Variants in CACNA1A observed in about 807,000 individuals in gnomAD.
CACNA1A encodes the protein calcium voltage-gated channel subunit alpha1 A.
CACNA1A carries 57 observed loss-of-function variants against 262.4 expected under a neutral mutation model. The observed-to-expected ratio is 0.22, with a 90% CI of 0.18 to 0.27. The LOEUF (loss-of-function observed/expected upper bound fraction) is 0.27, where lower values mean the gene tolerates loss of function less well. CACNA1A is among the 10% of genes least tolerant of loss of function. The pLI is 1.00. For missense variants in CACNA1A, 2,526 were observed against 3,562.8 expected (o/e 0.71, Z 7.41); for synonymous variants, 1,431 against 1,419.3 (o/e 1.01, Z -0.18).
At chr19:13,499,422 A>G (rs1982077345) in intron 1 of CACNA1A, among the ~76,000 whole-genome samples, 1 of 119,038 alleles carries the variant, frequency 8.4e-6, no homozygotes, top group South Asian at 3.1e-4. Flanking sequence ...AGGTTAATCA[A>G]TCCACACTGA....
intron 3 of CACNA1A, among the ~76,000 whole-genome samples, chr19:13,411,563 A>T (rs1450736100): frequency 6.6e-6 from 1 of 151,660 alleles, no homozygotes; most frequent in Non-Finnish European, 1.5e-5. Context: ...AGTGCATTAA[A>T]CCTCTTTCCT....
At chr19:13,346,616 TTATATATATATATATATATATATATA>T (rs74181778) in intron 6 of CACNA1A, among the ~76,000 whole-genome samples, 921 of 50,366 alleles carry the variant, frequency 0.018, 120 homozygotes, top group Non-Finnish European at 0.023. Context: ...TTTTAATTGA[TTATATATATATATATATATATATATA>T]TATATATATA....
At chr19:13,248,677 T>C (rs1029857727) in intron 30 of CACNA1A, among the ~76,000 whole-genome samples, 20 of 152,096 alleles carry the variant, frequency 1.3e-4, no homozygotes, top group African/African-American at 4.6e-4. Context: ...TCCCCGTCTC[T>C]GCTAAAAATA....
At chr19:13,217,306 A>G (rs1156290496) in intron 38 of CACNA1A, among the ~76,000 whole-genome samples, 1 of 152,154 alleles carries the variant, frequency 6.6e-6, no homozygotes, top group Non-Finnish European at 1.5e-5. Context: ...CCAGCAATGA[A>G]TGGTGACACC....
At chr19:13,486,746 GTCTC>G (rs1360144096) in intron 1 of CACNA1A, among the ~76,000 whole-genome samples, 1 of 151,484 alleles carries the variant, frequency 6.6e-6, no homozygotes, top group East Asian at 1.9e-4. Context: ...TTCCATCTTT[GTCTC>G]TCTCTCTTTT....
At chr19:13,215,307 G>A (rs2054962274) in intron 38 of CACNA1A, 1 of 124,826 alleles carries the variant, frequency 8.0e-6, no homozygotes, top group South Asian at 2.3e-4. Context: ...CACCGCGCCT[G>A]GCTGGTTGTT....
chr19:13,301,120 ATT>A (rs34756816), intron 17 of CACNA1A, among the ~76,000 whole-genome samples: 16 of 140,950 alleles, frequency 1.1e-4, no homozygotes, highest in Admixed American at 2.1e-4. Context: ...TATACATTTA[ATT>A]TTTTTTTTTT....
chr19:13,442,051 C>A (rs575800883), intron 3 of CACNA1A, among the ~76,000 whole-genome samples: 3 of 152,124 alleles, frequency 2.0e-5, no homozygotes, highest in African/African-American at 7.2e-5. Context: ...TAGCACAATA[C>A]GGTGTGCTGG....
chr19:13,499,652 A>C (rs1982134131), intron 1 of CACNA1A, among the ~76,000 whole-genome samples: 1 of 152,062 alleles, frequency 6.6e-6, no homozygotes, highest in South Asian at 2.1e-4. Context: ...GGGAGATGCT[A>C]CTAGAAGGAA....
In CACNA1A at chr19:13,415,324, GT is replaced by G. The variant is rs547075482; in HGVS notation, c.539+37551del. Among the ~76,000 whole-genome samples the G allele has an allele frequency of 2.7e-3, 406 of 152,216 alleles. 1 individual carries two copies. The highest frequency in any genetic ancestry group is 9.3e-3 in the African/African-American group (387 of 41,532). On this transcript the variant is annotated intron_variant, in intron 3 of 46. Coordinates refer to ENST00000360228, the MANE Select transcript of CACNA1A (RefSeq NM_001127222.2). ...CTGCATATTTTTCTCAGCCCATTCT[GT>G]GCTCTTCACAACACGCCTGCCTTTA...
intron 1 of CACNA1A, among the ~76,000 whole-genome samples, chr19:13,455,599 T>C (rs747197707): frequency 1.5e-4 from 23 of 152,156 alleles, no homozygotes; most frequent in Non-Finnish European, 2.2e-4. Flanking sequence ...ATGTATACTA[T>C]GCTATACAGT....
intron 6 of CACNA1A, among the ~76,000 whole-genome samples, chr19:13,346,643 TATATATATATATATATATATA>T (rs1568557320): frequency 1.2e-3 from 19 of 15,810 alleles, no homozygotes; most frequent in South Asian, 4.7e-3. Context: ...TATATATATA[TATATATATATATATATATATA>T]TATTTTTTTT....
chr19:13,281,506 G>A (rs1359909829), intron 22 of CACNA1A, among the ~76,000 whole-genome samples: 1 of 151,926 alleles, frequency 6.6e-6, no homozygotes, highest in African/African-American at 2.4e-5. Context: ...GTGGACATTT[G>A]GGTCTGGATC....
Position 13,307,933 on chromosome 19 carries a change from G to C in CACNA1A, c.1914-79C>G, listed in dbSNP as rs1047638053. 5 of 1,433,036 alleles carry C rather than the reference G, an allele frequency of 3.5e-6. No individual in the cohort carries two copies. In the African/African-American group the frequency reaches 7.0e-5, roughly 20 times the overall value. 88.8% of individuals were successfully genotyped at this position (1,433,036 alleles called of 1,614,324 possible). ...GTGTGGCTCAGTATCTCATCTCCAAGGAAACGAACGTCTCCATCATCTCTG... is the reference window on the plus strand; with the variant it reads ...GTGTGGCTCAGTATCTCATCTCCAACGAAACGAACGTCTCCATCATCTCTG... On this transcript the variant is annotated intron_variant, in intron 14 of 46. Transcript: ENST00000360228.
intron 1 of CACNA1A, among the ~76,000 whole-genome samples, chr19:13,465,502 T>G (rs1402817891): frequency 1.3e-5 from 2 of 152,182 alleles, no homozygotes; most frequent in East Asian, 3.9e-4. Context: ...TTTTGTTTTT[T>G]GAGATAGGGT....
intron 36 of CACNA1A, chr19:13,228,840 C>T (rs777636007): frequency 1.0e-5 from 12 of 1,150,722 alleles, no homozygotes; most frequent in Middle Eastern, 2.0e-4. Context: ...TGGGTTCACA[C>T]GGGCTCCCTG....
chr19:13,336,594 G>GGAGAGGGAGAGAGAGAGA (rs1555768096), intron 6 of CACNA1A, among the ~76,000 whole-genome samples: 14 of 65,504 alleles, frequency 2.1e-4, no homozygotes, highest in African/African-American at 7.2e-4. Flanking sequence ...AGAGAGAGAG[G>GGAGAGGGAGAGAGAGAGA]GAGAGAGAGA....
intron 3 of CACNA1A, among the ~76,000 whole-genome samples, chr19:13,406,690 G>A (rs1004676115): frequency 6.7e-6 from 1 of 150,238 alleles, no homozygotes; most frequent in African/African-American, 2.4e-5. Flanking sequence ...GAGGGTGGGT[G>A]GGCATCCTCC....
chr19:13,348,707 A>G (rs940294080), intron 6 of CACNA1A, among the ~76,000 whole-genome samples: 9 of 152,250 alleles, frequency 5.9e-5, no homozygotes, highest in East Asian at 1.9e-4. Context: ...GTGTTGGTGC[A>G]TGCCTGTAGT....
Sources: gnomAD v4.1 joint callset for allele counts (sites outside exome capture counted in the v4.1 genomes callset) on GRCh38, gnomAD v4.1.1 for gene constraint, MANE v1.5 for transcripts, NCBI Gene and HGNC (gene_info 2026-07-23, HGNC 2026-07-21) for gene names.